The following GBE1 variants were observed in gnomAD, a reference collection of about 807,000 sequenced individuals.
The protein encoded by GBE1 is 1,4-alpha-glucan branching enzyme 1, also known as 1,4-alpha-glucan-branching enzyme.
GBE1 carries 70 observed loss-of-function variants against 88.8 expected under a neutral mutation model. The ratio of observed to expected loss-of-function variants is 0.79; its 90% CI spans 0.65 to 0.96. The LOEUF is 0.96. Among genes scored for constraint, GBE1 ranks in the 40% least tolerant of loss-of-function variants. GBE1 has a pLI of 0.00. For missense variants in GBE1, 872 were observed against 871.0 expected, an observed-to-expected ratio of 1.00 and a Z score of -0.01; for synonymous variants, 284 against 300.1, an observed-to-expected ratio of 0.95 and a Z score of 0.56.
intron 1 of GBE1, among the ~76,000 whole-genome samples, chr3:81,708,421 T>C (rs535950419): frequency 8.5e-5 from 13 of 152,146 alleles, no homozygotes; most frequent in African/African-American, 3.1e-4. Context: ...CAATAAACAT[T>C]GGAAACAATG....
chr3:81,750,637 A>ATATG (rs1706507252), intron 1 of GBE1, among the ~76,000 whole-genome samples: 1 of 54,334 alleles, frequency 1.8e-5, no homozygotes, highest in African/African-American at 1.1e-4. Flanking sequence ...ATACGTATAT[A>ATATG]TATATATGTA....
chr3:81,544,779 A>G (rs1433466343), intron 12 of GBE1, among the ~76,000 whole-genome samples: 1 of 150,820 alleles, frequency 6.6e-6, no homozygotes, highest in Non-Finnish European at 1.5e-5. Context: ...TGTTTGATGT[A>G]AAGGTCCAAA....
chr3:81,665,430 A>G (rs1026322920), intron 3 of GBE1, among the ~76,000 whole-genome samples: 2 of 151,134 alleles, frequency 1.3e-5, no homozygotes, highest in Non-Finnish European at 2.9e-5. Flanking sequence ...CAGCTGCTCG[A>G]GAGGCTGAGG....
chr3:81,535,273 G>A lies in GBE1; in HGVS notation c.1856C>T (p.Ala619Val), dbSNP rs1044367200. The A allele has an allele frequency of 1.2e-6, 2 of 1,610,978 alleles. No individual in the cohort carries two copies. Among genetic ancestry groups the A allele is most frequent in the Non-Finnish European group, 1.7e-6 (2 of 1,178,342 alleles). Residue 619 changes from alanine (A) to valine (V), a missense_variant, in exon 14 of 16, where the codon GCA (alanine) becomes GTA (valine). Ala to Val is a moderately conservative substitution (Grantham distance 64, BLOSUM62 0). Transcript: ENST00000429644. ...EGNKIIAFER[A>V]GLLFIFNFHP... Reference sequence around the variant, plus strand: ...GAAGTTGAAAATGAAAAGAAGACCTGCTCTTTCAAAAGCAATGATCTTATT... The same window carrying A: ...GAAGTTGAAAATGAAAAGAAGACCTACTCTTTCAAAAGCAATGATCTTATT...
intron 12 of GBE1, among the ~76,000 whole-genome samples, chr3:81,567,924 G>T (rs1455659061): frequency 6.6e-6 from 1 of 152,022 alleles, no homozygotes; most frequent in Admixed American, 6.6e-5. Context: ...TCTTTACCAA[G>T]ACCTATAATG....
chr3:81,750,633 A>ATATATATATG (rs1706506710), intron 1 of GBE1, among the ~76,000 whole-genome samples: 2 of 42,080 alleles, frequency 4.8e-5, no homozygotes, highest in African/African-American at 1.4e-4. Flanking sequence ...ATATATACGT[A>ATATATATATG]TATATATATA....
chr3:81,550,459 A>C (rs1037272822), intron 12 of GBE1, among the ~76,000 whole-genome samples: 1 of 149,078 alleles, frequency 6.7e-6, no homozygotes, highest in Non-Finnish European at 1.5e-5. Flanking sequence ...TCTCTTATAA[A>C]ATGGAGGGAG....
chr3:81,622,376 T>C (rs1704345035), intron 7 of GBE1, among the ~76,000 whole-genome samples: 1 of 152,210 alleles, frequency 6.6e-6, no homozygotes, highest in South Asian at 2.1e-4. Flanking sequence ...CACCTGCATA[T>C]CCTTCTTTAT....
At chr3:81,705,228 G>A (rs1158284953) in intron 2 of GBE1, among the ~76,000 whole-genome samples, 3 of 152,008 alleles carry the variant, frequency 2.0e-5, no homozygotes, top group African/African-American at 7.2e-5. Flanking sequence ...TGATTTTACA[G>A]AACATAAAGT....
chr3:81,748,339 C>T (rs924417454), intron 1 of GBE1, among the ~76,000 whole-genome samples: 1 of 152,096 alleles, frequency 6.6e-6, no homozygotes, highest in Non-Finnish European at 1.5e-5. Flanking sequence ...AGGCCGGGTG[C>T]GGTGGCTCAC....
intron 1 of GBE1, among the ~76,000 whole-genome samples, chr3:81,722,896 G>GTGTGTATATATA (rs756121951): frequency 7.4e-6 from 1 of 135,322 alleles, no homozygotes; most frequent in African/African-American, 2.8e-5. Flanking sequence ...GTGTGTGTGT[G>GTGTGTATATATA]TATATATATA....
chr3:81,690,159 C>G (rs1576200840), intron 2 of GBE1, among the ~76,000 whole-genome samples: 2 of 152,168 alleles, frequency 1.3e-5, no homozygotes, highest in African/African-American at 4.8e-5. Context: ...AAGATCTTCA[C>G]AACTATGAAG....
intron 3 of GBE1, among the ~76,000 whole-genome samples, chr3:81,657,616 A>G (rs1278300734): frequency 6.6e-6 from 1 of 152,122 alleles, no homozygotes; most frequent in African/African-American, 2.4e-5. Context: ...GTAAGATTAT[A>G]TAAATTAGGG....
chr3:81,713,259 T>C (rs958812569), intron 1 of GBE1, among the ~76,000 whole-genome samples: 7 of 152,148 alleles, frequency 4.6e-5, no homozygotes, highest in African/African-American at 1.2e-4. Flanking sequence ...TTGTGCTGTA[T>C]CTTGAAGGAT....
intron 1 of GBE1, among the ~76,000 whole-genome samples, chr3:81,708,001 A>G (rs1011334784): frequency 1.3e-5 from 2 of 152,066 alleles, no homozygotes; most frequent in African/African-American, 4.8e-5. Context: ...CACGTATAAC[A>G]AATAACTACC....
chr3:81,588,103 C>CTTTTTTT (rs5850528), intron 9 of GBE1, among the ~76,000 whole-genome samples: 1 of 146,328 alleles, frequency 6.8e-6, no homozygotes, highest in Non-Finnish European at 1.5e-5. Flanking sequence ...TCAAATGCTT[C>CTTTTTTT]TTTTTTTTTT....
chr3:81,575,920 C>T (rs1463869929), intron 12 of GBE1, among the ~76,000 whole-genome samples: 4 of 152,132 alleles, frequency 2.6e-5, no homozygotes, highest in Non-Finnish European at 4.4e-5. Flanking sequence ...AATTTTCTCA[C>T]CTTGGTATAA....
intron 7 of GBE1, among the ~76,000 whole-genome samples, chr3:81,626,005 T>A (rs942677804): frequency 6.6e-6 from 1 of 152,196 alleles, no homozygotes; most frequent in Non-Finnish European, 1.5e-5. Flanking sequence ...TAAAGAGACT[T>A]CATTTCCTTA....
At chr3:81,547,609 C>T (rs1221128619) in intron 12 of GBE1, among the ~76,000 whole-genome samples, 1 of 145,798 alleles carries the variant, frequency 6.9e-6, no homozygotes, top group Non-Finnish European at 1.5e-5. Context: ...ACTAGTCAGG[C>T]TTCTAGGTTC....
Sources: allele counts gnomAD v4.1 joint callset (sites outside exome capture counted in the v4.1 genomes callset), GRCh38; gene constraint gnomAD v4.1.1; transcripts MANE v1.5; gene names NCBI Gene and HGNC (gene_info 2026-07-23, HGNC 2026-07-21).